Variants in CTNND2 observed in about 807,000 individuals in gnomAD.
CTNND2 encodes catenin delta-2.
In CTNND2, 22 loss-of-function variants were observed where a neutral mutation model predicts 144.4. That is an observed-to-expected ratio of 0.15 (90% confidence interval 0.11 to 0.22). CTNND2 has a LOEUF of 0.22. CTNND2 is among the 10% of genes least tolerant of loss of function. The probability of loss-of-function intolerance (pLI) is 1.00; values close to 1 mark genes in which losing one functional copy is unlikely to be tolerated. For missense variants in CTNND2, 1,353 were observed against 1,618.8 expected (o/e 0.84, Z 2.82); for synonymous variants, 751 against 695.6 (o/e 1.08, Z -1.25).
rs1039394456 is a variant in CTNND2, at chr5:11,384,355, C to T, written c.1177+310G>A. ...CATCAACAGGTCTATGGGATGCTTT[C>T]CTAAATGTGTCTTACTTTTATGAGT... is the stretch of plus-strand genomic sequence containing the variant. On this transcript the variant is annotated intron_variant, in intron 7 of 21. Coordinates refer to ENST00000304623, the MANE Select transcript of CTNND2 (RefSeq NM_001332.4). The surrounding 1 kb of genome is among the most constrained non-coding windows in gnomAD (Gnocchi z 5.2). 1.3e-5 allele frequency among the ~76,000 whole-genome samples: 2 copies of T among 152,072 alleles called. No individual in the cohort carries two copies. Among genetic ancestry groups the T allele is most frequent in the African/African-American group, 4.8e-5 (2 of 41,404 alleles).
At chr5:11,643,203 A>G (rs530582996) in intron 2 of CTNND2, among the ~76,000 whole-genome samples, 1 of 150,580 alleles carries the variant, frequency 6.6e-6, no homozygotes, top group Non-Finnish European at 1.5e-5. Flanking sequence ...TAGTTCATAC[A>G]TTTAATATTT....
At chr5:11,489,398 G>T (rs1460145143) in intron 3 of CTNND2, among the ~76,000 whole-genome samples, 2 of 152,012 alleles carry the variant, frequency 1.3e-5, no homozygotes, top group African/African-American at 4.8e-5. Flanking sequence ...ACTTCTTTTT[G>T]ACCATATTCC....
At chr5:11,076,847 C>T (rs1221714853) in intron 16 of CTNND2, among the ~76,000 whole-genome samples, 3 of 152,284 alleles carry the variant, frequency 2.0e-5, no homozygotes, top group Non-Finnish European at 2.9e-5. Flanking sequence ...CTGCTTCCCC[C>T]AACCTCTCAT....
intron 2 of CTNND2, among the ~76,000 whole-genome samples, chr5:11,574,925 C>T (rs1777860009): frequency 6.6e-6 from 1 of 152,212 alleles, no homozygotes; most frequent in Non-Finnish European, 1.5e-5. Flanking sequence ...CATTTATTCA[C>T]TCATTGCTCC....
intron 9 of CTNND2, among the ~76,000 whole-genome samples, chr5:11,301,473 T>G (rs531295301): frequency 1.3e-5 from 2 of 152,156 alleles, no homozygotes; most frequent in Non-Finnish European, 2.9e-5. Flanking sequence ...GAAGGAACTG[T>G]ATCATGTTTT....
At chr5:11,702,949 A>T (rs1225784617) in intron 2 of CTNND2, among the ~76,000 whole-genome samples, 2 of 152,154 alleles carry the variant, frequency 1.3e-5, no homozygotes, top group Non-Finnish European at 2.9e-5. Context: ...CTTAACCAAC[A>T]TCCGCAACAC....
intron 7 of CTNND2, among the ~76,000 whole-genome samples, chr5:11,369,830 T>C (rs1432478764): frequency 1.3e-5 from 2 of 152,172 alleles, no homozygotes; most frequent in African/African-American, 2.4e-5. Context: ...AGCAGAGAGC[T>C]GCAGACAGTA....
intron 1 of CTNND2, among the ~76,000 whole-genome samples, chr5:11,890,133 C>T (rs1170667787): frequency 6.6e-6 from 1 of 152,134 alleles, no homozygotes; most frequent in African/African-American, 2.4e-5. Context: ...TCAGAATCAA[C>T]TTTTTCCTGC....
chr5:11,387,610 A>T (rs145765413), intron 6 of CTNND2, among the ~76,000 whole-genome samples: 29 of 152,304 alleles, frequency 1.9e-4, no homozygotes, highest in African/African-American at 7.0e-4. Context: ...TCCGACAAAA[A>T]TTTCTGAAAA....
intron 1 of CTNND2, among the ~76,000 whole-genome samples, chr5:11,767,803 C>A (rs1354746431): frequency 6.6e-6 from 1 of 152,172 alleles, no homozygotes; most frequent in South Asian, 2.1e-4. Flanking sequence ...ACTGGGAGGT[C>A]TGTTGACAGA....
chr5:11,818,730 A>G (rs1387726956), intron 1 of CTNND2, among the ~76,000 whole-genome samples: 1 of 152,158 alleles, frequency 6.6e-6, no homozygotes, highest in East Asian at 1.9e-4. Context: ...ATACTAGATT[A>G]AGCAAATTAA....
At chr5:11,276,618 C>T (rs1262749565) in intron 9 of CTNND2, among the ~76,000 whole-genome samples, 1 of 152,176 alleles carries the variant, frequency 6.6e-6, no homozygotes, top group Non-Finnish European at 1.5e-5. Flanking sequence ...CAAAAAGATA[C>T]ATCCAAGTGC....
chr5:11,098,451 T>A lies in CTNND2; in HGVS notation c.2637+124A>T, dbSNP rs924147988. On this transcript the variant is annotated intron_variant, in intron 15 of 21. Transcript: ENST00000304623. ...CCAAGTAAAACAGTTCAATATAATT[T>A]TTTTTTCTCTAACATCCTAGAAATC... 4 of 835,882 alleles carry A rather than the reference T, an allele frequency of 4.8e-6. No individual in the cohort carries two copies. The African/African-American group carries it at 6.9e-5, about 14-fold the overall frequency. The allele number at this position is 835,882 out of a possible 1,614,324, so 51.8% of individuals were successfully genotyped here. A position where few individuals can be genotyped will look rare whatever the true frequency, so the allele number is the denominator to read the frequency against.
intron 19 of CTNND2, among the ~76,000 whole-genome samples, chr5:10,992,344 C>G (rs1395530747): frequency 6.6e-6 from 1 of 152,178 alleles, no homozygotes; most frequent in African/African-American, 2.4e-5. Flanking sequence ...GCATAAGAAC[C>G]TGTTAGAGAA....
intron 2 of CTNND2, among the ~76,000 whole-genome samples, chr5:11,607,350 T>G (rs1247997315): frequency 1.3e-5 from 2 of 152,304 alleles, no homozygotes; most frequent in Middle Eastern, 3.4e-3. Context: ...TACAGATATA[T>G]TTTGAGTGGT....
At chr5:11,543,654 C>T (rs953618883) in intron 3 of CTNND2, among the ~76,000 whole-genome samples, 29 of 148,846 alleles carry the variant, frequency 1.9e-4, no homozygotes, top group Admixed American at 1.1e-3. Context: ...TTTTTTAAAC[C>T]TACAGCAGTT....
chr5:11,893,362 G>T (rs1486403331), intron 1 of CTNND2, among the ~76,000 whole-genome samples: 2 of 152,320 alleles, frequency 1.3e-5, no homozygotes, highest in Admixed American at 1.3e-4. Flanking sequence ...GAGGGGGACA[G>T]ATTATCTAGC....
chr5:11,571,718 A>C (rs945683734), intron 2 of CTNND2, among the ~76,000 whole-genome samples: 1 of 152,090 alleles, frequency 6.6e-6, no homozygotes, highest in South Asian at 2.1e-4. Flanking sequence ...TCTACGATTT[A>C]ACTCACCCCC....
At chr5:11,031,375 C>G (rs1304462300) in intron 16 of CTNND2, among the ~76,000 whole-genome samples, 1 of 152,054 alleles carries the variant, frequency 6.6e-6, no homozygotes, top group Non-Finnish European at 1.5e-5. Context: ...AACATGTGCA[C>G]AGCTGCCTGC....
Sources: allele counts gnomAD v4.1 joint callset (sites outside exome capture counted in the v4.1 genomes callset), GRCh38; gene constraint gnomAD v4.1.1; non-coding constraint Gnocchi (gnomAD v3.1); transcripts MANE v1.5; gene names NCBI Gene and HGNC (gene_info 2026-07-23, HGNC 2026-07-21).